Variants in FOXP1 observed in about 807,000 individuals in gnomAD.
FOXP1 encodes the protein forkhead box P1.
A neutral mutation model predicts 98.2 loss-of-function variants in FOXP1; 15 were observed. The observed-to-expected ratio is 0.15, with a 90% CI of 0.10 to 0.24. The LOEUF (loss-of-function observed/expected upper bound fraction) is 0.24. Ranked by LOEUF, FOXP1 falls within the 10% of genes least tolerant of loss-of-function variation. The probability of loss-of-function intolerance (pLI) is 1.00; values close to 1 mark genes in which losing one functional copy is unlikely to be tolerated. For missense variants in FOXP1, 633 were observed against 848.5 expected (o/e 0.75, Z 3.15); for synonymous variants, 371 against 314.5 (o/e 1.18, Z -1.90).
At chr3:71,577,469 T>C (rs768595009) in intron 2 of FOXP1, among the ~76,000 whole-genome samples, 9 of 152,000 alleles carry the variant, frequency 5.9e-5, no homozygotes, top group East Asian at 5.8e-4. Context: ...AAAACTATCA[T>C]GCAGAAGATA....
chr3:71,411,590 A>G (rs776054527), intron 3 of FOXP1, among the ~76,000 whole-genome samples: 2 of 152,088 alleles, frequency 1.3e-5, no homozygotes, highest in Non-Finnish European at 2.9e-5. Context: ...CCAAAGTGCT[A>G]GGATTACAGG....
intron 7 of FOXP1, among the ~76,000 whole-genome samples, chr3:71,072,632 TTA>T (rs948649116): frequency 6.6e-6 from 1 of 152,168 alleles, no homozygotes; most frequent in Non-Finnish European, 1.5e-5. Context: ...CTAAACATAT[TTA>T]TGTTTTTTTG....
At chr3:71,028,302 GC>G (rs938996209) in intron 11 of FOXP1, among the ~76,000 whole-genome samples, 3 of 152,168 alleles carry the variant, frequency 2.0e-5, no homozygotes, top group Non-Finnish European at 4.4e-5. Context: ...TCGGTAGAAT[GC>G]CACACCATAA....
intron 11 of FOXP1, among the ~76,000 whole-genome samples, chr3:71,018,221 C>G (rs1291535360): frequency 6.6e-6 from 1 of 152,200 alleles, no homozygotes; most frequent in African/African-American, 2.4e-5. Context: ...AAACTATTCA[C>G]ATCTAAGAAT....
At position 71,000,965 on chromosome 3, in the gene FOXP1, G is replaced by T; in HGVS notation, c.1062+7C>A. On this transcript the variant is annotated splice_region_variant and intron_variant, in intron 13 of 20. Transcript: ENST00000649528. ...GAGGTTAATATTAAAAATAAATGTG[G>T]TTTTACCTGTAGCTCTAACTGCTGT... is the stretch of plus-strand genomic sequence containing the variant. 6.3e-7 allele frequency: 1 copy of T among 1,591,488 alleles called. No individual in the cohort carries two copies. Among genetic ancestry groups the T allele is most frequent in the Non-Finnish European group, 8.6e-7 (1 of 1,159,630 alleles).
At chr3:71,336,155 T>C (rs1310226545) in intron 4 of FOXP1, among the ~76,000 whole-genome samples, 1 of 151,372 alleles carries the variant, frequency 6.6e-6, no homozygotes, top group Non-Finnish European at 1.5e-5. Flanking sequence ...GTTACACTCA[T>C]GAAAGACAGA....
chr3:71,041,582 C>A, intron 10 of FOXP1, 50 bp from the exon 11 acceptor site: 1 of 1,534,796 alleles, frequency 6.5e-7, no homozygotes, highest in Non-Finnish European at 9.0e-7. Context: ...TAATTCCGTC[C>A]TCTTCAAACA....
intron 5 of FOXP1, among the ~76,000 whole-genome samples, chr3:71,259,052 G>C (rs1054132710): frequency 6.6e-6 from 1 of 152,244 alleles, no homozygotes; most frequent in East Asian, 1.9e-4. Context: ...GGCGGAGGCA[G>C]GAGAATTGCT....
chr3:71,485,046 C>T (rs1178793988), intron 3 of FOXP1, among the ~76,000 whole-genome samples: 1 of 152,118 alleles, frequency 6.6e-6, no homozygotes, highest in Non-Finnish European at 1.5e-5. Context: ...CTGTATTGTC[C>T]AGTAAATTAC....
At chr3:71,421,816 T>C (rs2083675133) in intron 3 of FOXP1, among the ~76,000 whole-genome samples, 1 of 152,192 alleles carries the variant, frequency 6.6e-6, no homozygotes, top group African/African-American at 2.4e-5. Flanking sequence ...CCTACCATAA[T>C]TCTCTTAAAC....
At chr3:71,237,778 C>A (rs1282228113) in intron 5 of FOXP1, among the ~76,000 whole-genome samples, 1 of 152,166 alleles carries the variant, frequency 6.6e-6, no homozygotes, top group Non-Finnish European at 1.5e-5. Flanking sequence ...TCTATAAGTT[C>A]CACAGCTGAT....
At chr3:71,264,731 TGGAGG>T (rs1390287341) in intron 5 of FOXP1, among the ~76,000 whole-genome samples, 1 of 152,216 alleles carries the variant, frequency 6.6e-6, no homozygotes, top group African/African-American at 2.4e-5. Context: ...GTAGTTCAGC[TGGAGG>T]TAAAGAATTA....
At chr3:70,976,794 C>T (rs1210055701) in intron 17 of FOXP1, 147 bp downstream of exon 17, 2 of 654,412 alleles carry the variant, frequency 3.1e-6, no homozygotes, top group Non-Finnish European at 5.6e-6. Context: ...CACTATTTTC[C>T]CAATCAAATA....
chr3:71,409,979 C>CTG (rs2082619030), intron 3 of FOXP1, among the ~76,000 whole-genome samples: 1 of 152,156 alleles, frequency 6.6e-6, no homozygotes. Flanking sequence ...CACACCACTG[C>CTG]ACTCCAGCCT....
At chr3:71,174,036 G>A (rs2061788742) in intron 6 of FOXP1, among the ~76,000 whole-genome samples, 1 of 152,180 alleles carries the variant, frequency 6.6e-6, no homozygotes, top group Non-Finnish European at 1.5e-5. Flanking sequence ...GAAGGGTTTT[G>A]CAAACTACTG....
At chr3:71,459,969 T>C (rs1376880013) in intron 3 of FOXP1, among the ~76,000 whole-genome samples, 2 of 151,230 alleles carry the variant, frequency 1.3e-5, no homozygotes, top group Non-Finnish European at 3.0e-5. Context: ...AGTCTCACTC[T>C]GTCACCCAGG....
At chr3:71,529,226 A>C (rs1455284276) in intron 2 of FOXP1, among the ~76,000 whole-genome samples, 1 of 152,244 alleles carries the variant, frequency 6.6e-6, no homozygotes, top group African/African-American at 2.4e-5. Context: ...AGTATGTCTC[A>C]ATACTTCACA....
intron 7 of FOXP1, among the ~76,000 whole-genome samples, chr3:71,110,236 C>G (rs1479505693): frequency 2.0e-5 from 3 of 151,952 alleles, no homozygotes; most frequent in Non-Finnish European, 2.9e-5. Flanking sequence ...AAAGAAGTTA[C>G]CTAAAAATGC....
chr3:71,279,548 A>G (rs1269162893), intron 5 of FOXP1, among the ~76,000 whole-genome samples: 2 of 152,296 alleles, frequency 1.3e-5, no homozygotes, highest in East Asian at 1.9e-4. Context: ...GCCCCAAACA[A>G]AAATAAGCTG....
Sources: allele counts gnomAD v4.1 joint callset (sites outside exome capture counted in the v4.1 genomes callset), GRCh38; gene constraint gnomAD v4.1.1; transcripts MANE v1.5; gene names NCBI Gene and HGNC (gene_info 2026-07-23, HGNC 2026-07-21).